Variants in RHBDD2 observed in about 807,000 individuals in gnomAD.
The protein encoded by RHBDD2 is rhomboid domain containing 2.
RHBDD2 carries 13 observed loss-of-function variants against 21.7 expected under a neutral mutation model. That is an observed-to-expected ratio of 0.60 (90% CI 0.39 to 0.95). The LOEUF is 0.95. RHBDD2 is among the 40% of genes least tolerant of loss of function. RHBDD2 has a pLI of 0.00. For missense variants in RHBDD2, 473 were observed against 478.9 expected (o/e 0.99, Z 0.11); for synonymous variants, 225 against 220.0 (o/e 1.02, Z -0.20).
At position 75,879,265 on chromosome 7, in the gene RHBDD2, G is replaced by C; in HGVS notation, c.178+5G>C. The C allele has an allele frequency of 6.7e-7, 1 of 1,483,940 alleles. No homozygotes were observed. The highest frequency in any genetic ancestry group is 9.0e-7 in the Non-Finnish European group (1 of 1,116,338). 91.9% of individuals were successfully genotyped at this position (1,483,940 alleles called of 1,614,324 possible). A position where few individuals can be genotyped will look rare whatever the true frequency, so the allele number is the denominator to read the frequency against. ...AGGCCCTTCGCAACTGGCAAGGTGA[G>C]CAGGGGCGGGCCGGGATCGCGGGGC... On this transcript the variant is annotated splice_donor_5th_base_variant and intron_variant, in intron 1 of 3. Transcript: ENST00000006777.
At chr7:75,881,691 T>G in intron 1 of RHBDD2, 138 bp from the exon 2 acceptor site, 1 of 971,466 alleles carries the variant, frequency 1.0e-6, no homozygotes, top group Non-Finnish European at 1.5e-6. Context: ...ACTGCTTGTA[T>G]TGCCTCCTGC....
intron 1 of RHBDD2, 71 bp downstream of exon 1, chr7:75,879,331 C>G: frequency 7.5e-7 from 1 of 1,338,664 alleles, no homozygotes; most frequent in Non-Finnish European, 9.7e-7. Context: ...TGGGCTCTAG[C>G]CTCCGGGACT....
intron 3 of RHBDD2, among the ~76,000 whole-genome samples, chr7:75,885,769 T>C (rs1554543729): frequency 1.3e-5 from 2 of 152,134 alleles, no homozygotes; most frequent in African/African-American, 4.8e-5. Context: ...GGAGAACTCA[T>C]TACTACGGGG....
At position 75,888,107 on chromosome 7, in the gene RHBDD2, T is replaced by C; in HGVS notation, c.853T>C (p.Ser285Pro). ...TGGTCAGAAGCTGGCCTCCTGGCCC[T>C]CCTGCACCCCCGGGCACATGCCCAC... Reference protein sequence around the residue: ...ASGQKLASWPSCTPGHMPTLP... With the variant: ...ASGQKLASWPPCTPGHMPTLP... Residue 285 changes from serine (S) to proline (P), a missense_variant, in exon 4 of 4, where the codon TCC becomes CCC. Physicochemically the swap from Ser to Pro is moderately conservative, Grantham distance 74. Transcript: ENST00000006777. 5.6e-6 allele frequency: 9 copies of C among 1,613,760 alleles called. No individual in the cohort carries two copies. The highest frequency in any genetic ancestry group is 7.6e-6 in the Non-Finnish European group (9 of 1,180,024).
At chr7:75,886,768 C>T (rs897627363) in intron 3 of RHBDD2, among the ~76,000 whole-genome samples, 4 of 151,308 alleles carry the variant, frequency 2.6e-5, no homozygotes, top group African/African-American at 4.9e-5. Context: ...GAGCCGAGAT[C>T]GCGCCACTGC....
intron 3 of RHBDD2, 98 bp from the exon 4 acceptor site, chr7:75,887,894 G>A: frequency 1.0e-6 from 1 of 979,850 alleles, no homozygotes; most frequent in Non-Finnish European, 1.6e-6. Context: ...AACATCCAAG[G>A]CATGTTGTAC....
intron 3 of RHBDD2, among the ~76,000 whole-genome samples, chr7:75,886,676 C>G (rs188804922): frequency 1.3e-5 from 2 of 151,962 alleles, no homozygotes; most frequent in Non-Finnish European, 2.9e-5. Flanking sequence ...TGGCCATGTG[C>G]GGTGGTGGGC....
At position 75,879,118 on chromosome 7, in the gene RHBDD2, C is replaced by T. The variant is rs376134938; in HGVS notation, c.36C>T (p.Cys12=). The change falls in exon 1 of 4, where the codon TGC becomes TGT. Residue 12 remains cysteine, a synonymous_variant. Transcript: ENST00000006777. The part of the protein sequence containing the change: ...AASGPGCRSW[C]LCPEVPSATF... ...CGGGGCCCGGGTGTCGCAGCTGGTG[C>T]TTGTGTCCCGAGGTGCCATCCGCCA... 1 of 1,404,930 alleles carries T rather than the reference C, an allele frequency of 7.1e-7. No individual in the cohort carries two copies. The highest frequency in any genetic ancestry group is 9.3e-7 in the Non-Finnish European group (1 of 1,070,630). The allele number at this position is 1,404,930 out of a possible 1,614,324, so 87.0% of individuals were successfully genotyped here.
intron 1 of RHBDD2, chr7:75,881,336 C>T (rs1221110804): frequency 7.8e-7 from 1 of 1,289,142 alleles, no homozygotes; most frequent in African/African-American, 1.5e-5. Context: ...CAAAATAATT[C>T]ATGGTCCCTT....
chr7:75,881,239 C>A, intron 1 of RHBDD2: 1 of 738,648 alleles, frequency 1.4e-6, no homozygotes, highest in Non-Finnish European at 2.0e-6. Context: ...ATCAGTTTAC[C>A]TGTGAGATCG....
chr7:75,879,382 T>C (rs6954082), intron 1 of RHBDD2, 122 bp downstream of exon 1: 5 of 948,354 alleles, frequency 5.3e-6, no homozygotes, highest in Non-Finnish European at 7.3e-6. Context: ...CCTGTCTCGG[T>C]CCTCATCACC....
intron 3 of RHBDD2, 131 bp downstream of exon 3, chr7:75,883,979 C>G (rs1411980845): frequency 9.6e-6 from 6 of 626,822 alleles, no homozygotes; most frequent in South Asian, 2.2e-5. Flanking sequence ...ACTGCAACCT[C>G]TGCTTCAGGT....
At chr7:75,881,118 A>T (rs545250466) in intron 1 of RHBDD2, among the ~76,000 whole-genome samples, 5 of 152,246 alleles carry the variant, frequency 3.3e-5, no homozygotes, top group African/African-American at 1.2e-4. Flanking sequence ...GGATCACTGG[A>T]GGCCAGGAGT....
intron 1 of RHBDD2, chr7:75,881,458 CTTAA>C (rs1477178209): frequency 6.3e-5 from 82 of 1,300,576 alleles, no homozygotes; most frequent in Non-Finnish European, 8.1e-5. Flanking sequence ...AGCTGTTACA[CTTAA>C]TTAACCCTCA....
chr7:75,879,271 G>A lies in RHBDD2; in HGVS notation c.178+11G>A. 1 of 1,475,036 alleles carries A rather than the reference G, an allele frequency of 6.8e-7. No homozygotes were observed. Among genetic ancestry groups the A allele is most frequent in the Non-Finnish European group, 9.0e-7 (1 of 1,111,960 alleles). The allele number at this position is 1,475,036 out of a possible 1,614,324, so 91.4% of individuals were successfully genotyped here. ...TTCGCAACTGGCAAGGTGAGCAGGG[G>A]CGGGCCGGGATCGCGGGGCGAGTCC... On this transcript the variant is annotated intron_variant, in intron 1 of 3. Coordinates refer to ENST00000006777, the MANE Select transcript of RHBDD2 (RefSeq NM_001040456.3).
intron 3 of RHBDD2, among the ~76,000 whole-genome samples, chr7:75,884,488 G>A (rs1369123797): frequency 1.3e-5 from 2 of 152,158 alleles, no homozygotes; most frequent in African/African-American, 2.4e-5. Flanking sequence ...AAAGTACTGG[G>A]ATTACAGGTG....
Position 75,888,580 on chromosome 7 carries a change from G to C in RHBDD2, c.*231G>C, listed in dbSNP as rs782113048. The C allele has an allele frequency of 7.7e-6, 4 of 519,176 alleles. No individual in the cohort carries two copies. Among genetic ancestry groups the C allele is most frequent in the Admixed American group, 3.4e-5 (1 of 29,450 alleles). 32.2% of individuals were successfully genotyped at this position (519,176 alleles called of 1,614,324 possible). ...ACGTTCTGCCATCAGATAAAGTCAC[G>C]TGGCTCTTTAGTAACACGGACAAGG... On this transcript the variant is annotated 3_prime_UTR_variant, in exon 4 of 4. Coordinates refer to ENST00000006777, the MANE Select transcript of RHBDD2 (RefSeq NM_001040456.3).
chr7:75,881,060 T>C (rs1398599683), intron 1 of RHBDD2, among the ~76,000 whole-genome samples: 4 of 151,888 alleles, frequency 2.6e-5, no homozygotes, highest in Admixed American at 1.3e-4. Context: ...AGGCCAGGAA[T>C]GATGGTTCGT....
intron 3 of RHBDD2, among the ~76,000 whole-genome samples, chr7:75,885,794 C>T (rs1805624340): frequency 6.6e-6 from 1 of 152,118 alleles, no homozygotes; most frequent in African/African-American, 2.4e-5. Flanking sequence ...AGCCAAGCCA[C>T]TCACGCAAGG....
Sources: gnomAD v4.1 joint callset for allele counts (sites outside exome capture counted in the v4.1 genomes callset) on GRCh38, gnomAD v4.1.1 for gene constraint, MANE v1.5 for transcripts, NCBI Gene and HGNC (gene_info 2026-07-23, HGNC 2026-07-21) for gene names.